PPP6R3: variants seen among roughly 807,000 people sequenced by gnomAD.
PPP6R3 encodes the protein protein phosphatase 6 regulatory subunit 3.
PPP6R3 carries 38 observed loss-of-function variants against 110.7 expected under a neutral mutation model. The ratio of observed to expected loss-of-function variants is 0.34; its 90% CI spans 0.26 to 0.45. PPP6R3 has a LOEUF of 0.45. Among genes scored for constraint, PPP6R3 ranks in the 20% least tolerant of loss-of-function variants. The pLI, the probability that PPP6R3 is intolerant of heterozygous loss-of-function variation, is 1.00. For missense variants in PPP6R3, 870 were observed against 1,062.4 expected, an observed-to-expected ratio of 0.82 and a Z score of 2.52; for synonymous variants, 369 against 373.5, an observed-to-expected ratio of 0.99 and a Z score of 0.14.
chr11:68,495,381 A>G (rs531269280), intron 1 of PPP6R3, among the ~76,000 whole-genome samples: 19 of 152,336 alleles, frequency 1.2e-4, no homozygotes, highest in Admixed American at 1.1e-3. Flanking sequence ...TAACGCATAC[A>G]AGTTAATGTT....
chr11:68,475,520 G>A (rs899080826), intron 1 of PPP6R3, among the ~76,000 whole-genome samples: 3 of 151,658 alleles, frequency 2.0e-5, no homozygotes, highest in South Asian at 4.1e-4. Context: ...CCTCCCGGAC[G>A]GGGCAGCGGC....
intron 1 of PPP6R3, among the ~76,000 whole-genome samples, chr11:68,479,904 A>C (rs1054606165): frequency 2.2e-4 from 33 of 151,946 alleles, no homozygotes; most frequent in African/African-American, 8.0e-4. Context: ...ACACCTGGCT[A>C]ATTTTTGTAT....
intron 1 of PPP6R3, among the ~76,000 whole-genome samples, chr11:68,511,186 G>A (rs1479352074): frequency 1.3e-5 from 2 of 151,100 alleles, no homozygotes; most frequent in Non-Finnish European, 1.5e-5. Flanking sequence ...TCCTGCCTTA[G>A]CCTCCTGAGT....
intron 2 of PPP6R3, among the ~76,000 whole-genome samples, chr11:68,528,434 G>GT (rs1491122305): frequency 0.089 from 908 of 10,172 alleles, 13 homozygotes; most frequent in Middle Eastern, 0.38. Flanking sequence ...TTGTGTGTGT[G>GT]GGGGGGGGGG....
intron 1 of PPP6R3, 28 bp from the exon 2 acceptor site, chr11:68,519,473 A>AT: frequency 2.5e-6 from 1 of 396,592 alleles, no homozygotes. Flanking sequence ...AACATATGTG[A>AT]TTATCTGCTT....
intron 1 of PPP6R3, among the ~76,000 whole-genome samples, chr11:68,475,565 C>A (rs537492515): frequency 2.0e-5 from 3 of 148,900 alleles, no homozygotes; most frequent in Admixed American, 2.0e-4. Context: ...CCCTCCCGGA[C>A]GGGGCGGCTG....
chr11:68,614,166 A>G lies in PPP6R3; in HGVS notation c.*1049A>G. 1.0e-6 allele frequency: 1 copy of G among 986,352 alleles called. No homozygotes were observed. The highest frequency in any genetic ancestry group is 1.2e-6 in the Non-Finnish European group (1 of 830,290). 61.1% of individuals were successfully genotyped at this position (986,352 alleles called of 1,614,324 possible). On this transcript the variant is annotated 3_prime_UTR_variant, in exon 24 of 24. Coordinates refer to ENST00000393800, the MANE Select transcript of PPP6R3 (RefSeq NM_001164161.2). The stretch of plus-strand genomic sequence containing the variant: ...AGAAATCAAAATCTGGCACCGAAGC[A>G]TGCTAATTGTTTACTGTACCTTGTG...
At chr11:68,461,118 T>C (rs945258590) in intron 1 of PPP6R3, among the ~76,000 whole-genome samples, 1 of 150,202 alleles carries the variant, frequency 6.7e-6, no homozygotes, top group African/African-American at 2.4e-5. Context: ...GTTCGCGGCC[T>C]GGCGCGGCGG....
In PPP6R3 at chr11:68,614,495, G is replaced by A; in HGVS notation, c.*1378G>A. On this transcript the variant is annotated 3_prime_UTR_variant, in exon 24 of 24. Transcript: ENST00000393800. ...CCTGACCAGTATTTAAAACCAAAAG[G>A]ATATTCTGAAAAATGGCCAACAATT... 1 of 1,406,778 alleles carries A rather than the reference G, an allele frequency of 7.1e-7. No individual in the cohort carries two copies. The highest frequency in any genetic ancestry group is 9.2e-7 in the Non-Finnish European group (1 of 1,083,438). The allele number at this position is 1,406,778 out of a possible 1,614,324, so 87.1% of individuals were successfully genotyped here.
At chr11:68,573,690 A>G (rs2153798385) in intron 12 of PPP6R3, among the ~76,000 whole-genome samples, 1 of 152,362 alleles carries the variant, frequency 6.6e-6, no homozygotes, top group South Asian at 2.1e-4. Context: ...AAGAAAATGA[A>G]CCAGCAGAAT....
At chr11:68,460,962 C>CG (rs1411441696) in intron 1 of PPP6R3, 135 bp downstream of exon 1, 1 of 151,796 alleles carries the variant, frequency 6.6e-6, no homozygotes, top group Non-Finnish European at 1.5e-5. Flanking sequence ...CCTCCCCCCC[C>CG]GGAATTCGTC....
At position 68,477,507 on chromosome 11, in the gene PPP6R3, T is replaced by A. The variant is rs1213738257; in HGVS notation, c.-158+16680T>A. 6.6e-5 allele frequency among the ~76,000 whole-genome samples: 10 copies of A among 151,770 alleles called. No homozygotes were observed. In the East Asian group the frequency reaches 1.9e-3, roughly 29 times the overall value. On this transcript the variant is annotated intron_variant, in intron 1 of 23. Coordinates refer to ENST00000393800, the MANE Select transcript of PPP6R3 (RefSeq NM_001164161.2). ...AGTCTGAGGTGGGAGGATCAATTGC[T>A]TGAGTCTAGGAGTTTGAGACCAGCC...
intron 1 of PPP6R3, among the ~76,000 whole-genome samples, chr11:68,472,254 G>A (rs1176197174): frequency 6.6e-6 from 1 of 152,222 alleles, no homozygotes; most frequent in African/African-American, 2.4e-5. Flanking sequence ...TGCAGACGGA[G>A]AGGTTTGCCC....
intron 1 of PPP6R3, among the ~76,000 whole-genome samples, chr11:68,510,134 G>C (rs911955655): frequency 5.9e-4 from 77 of 129,416 alleles, no homozygotes; most frequent in African/African-American, 2.2e-3. Context: ...TCTAACTCCT[G>C]AGCTCAAGTG....
intron 1 of PPP6R3, among the ~76,000 whole-genome samples, chr11:68,462,777 T>TGAA (rs1460771443): frequency 6.6e-6 from 1 of 152,182 alleles, no homozygotes; most frequent in Non-Finnish European, 1.5e-5. Flanking sequence ...CTCGAAACCT[T>TGAA]GCGTGCACCT....
chr11:68,492,329 A>G (rs540171992), intron 1 of PPP6R3, among the ~76,000 whole-genome samples: 57 of 151,824 alleles, frequency 3.8e-4, no homozygotes, highest in Admixed American at 2.6e-3. Context: ...GCTAAGTTTT[A>G]TTTTTATTTT....
chr11:68,584,325 G>A (rs542486074), intron 15 of PPP6R3, among the ~76,000 whole-genome samples: 3 of 152,280 alleles, frequency 2.0e-5, no homozygotes, highest in South Asian at 4.1e-4. Flanking sequence ...TTCCCAGAGC[G>A]CTCTGGTATT....
At chr11:68,574,507 G>A (rs1414046485) in intron 13 of PPP6R3, among the ~76,000 whole-genome samples, 3 of 152,154 alleles carry the variant, frequency 2.0e-5, no homozygotes, top group Non-Finnish European at 4.4e-5. Context: ...AGCATTGCTT[G>A]GTGAATCATG....
chr11:68,574,582 TG>T (rs2099523121), intron 13 of PPP6R3, among the ~76,000 whole-genome samples: 1 of 152,212 alleles, frequency 6.6e-6, no homozygotes, highest in African/African-American at 2.4e-5. Context: ...GCTATAATTT[TG>T]CCTTTTATTT....
Sources: allele counts gnomAD v4.1 joint callset (sites outside exome capture counted in the v4.1 genomes callset), GRCh38; gene constraint gnomAD v4.1.1; transcripts MANE v1.5; gene names NCBI Gene and HGNC (gene_info 2026-07-23, HGNC 2026-07-21).